ZSWIM6: variants seen among roughly 807,000 people sequenced by gnomAD.
The protein encoded by ZSWIM6 is zinc finger SWIM-type containing 6.
ZSWIM6 carries 9 observed loss-of-function variants against 113.2 expected under a neutral mutation model. The observed-to-expected ratio is 0.08, with a 90% CI of 0.05 to 0.14. The LOEUF (loss-of-function observed/expected upper bound fraction) is 0.14, where lower values mean the gene tolerates loss of function less well. Among genes scored for constraint, ZSWIM6 ranks in the 10% least tolerant of loss-of-function variants. ZSWIM6 has a pLI of 1.00. For missense variants in ZSWIM6, 1,162 were observed against 1,552.2 expected (o/e 0.75, Z 4.22); for synonymous variants, 611 against 606.5 (o/e 1.01, Z -0.11).
chr5:61,375,160 G>C (rs1579960991), intron 1 of ZSWIM6: 2 of 1,613,146 alleles, frequency 1.2e-6, no homozygotes, highest in East Asian at 4.5e-5. Flanking sequence ...AATAGCAATG[G>C]CGAGATCAAG....
intron 1 of ZSWIM6, among the ~76,000 whole-genome samples, chr5:61,451,960 A>C (rs751171508): frequency 6.6e-6 from 1 of 152,292 alleles, no homozygotes; most frequent in South Asian, 2.1e-4. Context: ...AGTATGTATG[A>C]GTTATAAAAC....
intron 1 of ZSWIM6, chr5:61,391,964 G>T: frequency 2.1e-6 from 1 of 471,770 alleles, no homozygotes; most frequent in East Asian, 3.9e-5. Context: ...GGCTTGTACG[G>T]GTCTACCTTC....
intron 12 of ZSWIM6, among the ~76,000 whole-genome samples, chr5:61,540,294 C>G (rs987975411): frequency 1.3e-5 from 2 of 152,144 alleles, no homozygotes; most frequent in African/African-American, 4.8e-5. Context: ...ATTTTGAGTT[C>G]GTCATGCAGA....
Position 61,515,065 on chromosome 5 carries a change from C to T in ZSWIM6, c.1334-6198C>T, listed in dbSNP as rs942050911. 3.9e-5 allele frequency among the ~76,000 whole-genome samples: 6 copies of T among 152,254 alleles called. No individual in the cohort carries two copies. The South Asian group carries it at 1.0e-3, about 26-fold the overall frequency. ...TTACAACCATTTAGATTATCATATCCTCTTGAGTGAGCTCTGGTAGTTTGT... is the reference window on the plus strand; with the variant it reads ...TTACAACCATTTAGATTATCATATCTTCTTGAGTGAGCTCTGGTAGTTTGT... On this transcript the variant is annotated intron_variant, in intron 4 of 13. Transcript: ENST00000252744.
intron 4 of ZSWIM6, among the ~76,000 whole-genome samples, chr5:61,512,594 G>A (rs766489947): frequency 6.6e-6 from 1 of 152,054 alleles, no homozygotes; most frequent in Non-Finnish European, 1.5e-5. Context: ...AGCAATTTAT[G>A]AGCATTCCAG....
intron 4 of ZSWIM6, among the ~76,000 whole-genome samples, chr5:61,498,704 C>T (rs578088692): frequency 6.6e-6 from 1 of 152,232 alleles, no homozygotes; most frequent in East Asian, 1.9e-4. Context: ...TTCCATCTTC[C>T]ATCCCAGACT....
At chr5:61,526,043 G>C in intron 6 of ZSWIM6, 67 bp downstream of exon 6, 1 of 1,517,102 alleles carries the variant, frequency 6.6e-7, no homozygotes, top group Non-Finnish European at 8.9e-7. Context: ...TAGCATTACT[G>C]GAATGGGAGG....
rs1392712028 is a variant in ZSWIM6, at chr5:61,521,347, A to G, written c.1418A>G (p.Asn473Ser). 7 of 1,527,338 alleles carry G rather than the reference A, an allele frequency of 4.6e-6. No individual in the cohort carries two copies. Among genetic ancestry groups the G allele is most frequent in the Admixed American group, 2.1e-5 (1 of 47,188 alleles). 94.6% of individuals were successfully genotyped at this position (1,527,338 alleles called of 1,614,324 possible). A position where few individuals can be genotyped will look rare whatever the true frequency, so the allele number is the denominator to read the frequency against. Residue 473 changes from asparagine (N) to serine (S), a missense_variant, in exon 5 of 14, where the codon AAT becomes AGT. By Grantham distance (46) the Asn-to-Ser change is conservative. Around this residue, in one of 4 missense-constraint regions of ZSWIM6, gnomAD observed 620 missense variants for 804.6 expected, o/e 0.77. Transcript: ENST00000252744. ...ASWLKQLKKW[N>S]SVDVCPWEDG... Reference sequence around the variant, plus strand: ...TGGCTAAAACAGCTGAAGAAATGGAATAGTGTTGATGTCTGTCCATGGGAA... The same window carrying G: ...TGGCTAAAACAGCTGAAGAAATGGAGTAGTGTTGATGTCTGTCCATGGGAA...
chr5:61,391,806 G>A lies in ZSWIM6; in HGVS notation c.676+58858G>A, dbSNP rs896278197. On this transcript the variant is annotated intron_variant, in intron 1 of 13. Transcript: ENST00000252744. ...TCTTCACCTTCCCATGATGCTTCCTGCTGCGCTGCTGAGGCAGGAAGCCGA... is the reference window on the plus strand; with the variant it reads ...TCTTCACCTTCCCATGATGCTTCCTACTGCGCTGCTGAGGCAGGAAGCCGA... The A allele has an allele frequency of 1.5e-5, 13 of 850,960 alleles. 2 individuals are homozygous for A. The South Asian group carries it at 1.9e-4, about 12-fold the overall frequency. The allele number at this position is 850,960 out of a possible 1,614,324, so 52.7% of individuals were successfully genotyped here.
At chr5:61,383,969 C>T (rs1248364643) in intron 1 of ZSWIM6, among the ~76,000 whole-genome samples, 1 of 150,394 alleles carries the variant, frequency 6.6e-6, no homozygotes. Context: ...TGGCCGGGCG[C>T]GGTGGCTCAC....
intron 1 of ZSWIM6, among the ~76,000 whole-genome samples, chr5:61,453,378 C>CT (rs60097146): frequency 0.2 from 27,526 of 135,738 alleles, 2,980 homozygotes; most frequent in South Asian, 0.36. Flanking sequence ...CTCTCTCTCT[C>CT]TTTTTTTTTT....
chr5:61,386,294 G>A (rs1745591530), intron 1 of ZSWIM6, among the ~76,000 whole-genome samples: 1 of 152,136 alleles, frequency 6.6e-6, no homozygotes, highest in African/African-American at 2.4e-5. Context: ...GGAGTGATTT[G>A]CCTTTGCTTT....
intron 1 of ZSWIM6, among the ~76,000 whole-genome samples, chr5:61,414,231 G>A (rs1203158843): frequency 6.6e-6 from 1 of 152,142 alleles, no homozygotes; most frequent in African/African-American, 2.4e-5. Flanking sequence ...TTGGACTAGG[G>A]TGGGGCAGTG....
chr5:61,425,626 A>T (rs957441403), intron 1 of ZSWIM6, among the ~76,000 whole-genome samples: 1 of 152,262 alleles, frequency 6.6e-6, no homozygotes, highest in Admixed American at 6.5e-5. Flanking sequence ...AAGGAGTAAG[A>T]TTAACTTTTG....
intron 1 of ZSWIM6, among the ~76,000 whole-genome samples, chr5:61,351,278 C>G (rs968836284): frequency 6.6e-6 from 1 of 152,142 alleles, no homozygotes; most frequent in Non-Finnish European, 1.5e-5. Context: ...AAAGGGACAG[C>G]TAAAATCAAT....
intron 1 of ZSWIM6, among the ~76,000 whole-genome samples, chr5:61,421,311 G>C (rs1164567772): frequency 6.6e-6 from 1 of 151,998 alleles, no homozygotes; most frequent in Non-Finnish European, 1.5e-5. Context: ...CTCTTAATGA[G>C]TTCAGTTGTT....
intron 1 of ZSWIM6, among the ~76,000 whole-genome samples, chr5:61,458,732 G>A (rs1355171421): frequency 6.6e-6 from 1 of 152,044 alleles, no homozygotes; most frequent in Non-Finnish European, 1.5e-5. Context: ...ACAAAAATTA[G>A]CTGGGCATGG....
chr5:61,482,742 G>A (rs1747907451), intron 2 of ZSWIM6, among the ~76,000 whole-genome samples: 1 of 152,100 alleles, frequency 6.6e-6, no homozygotes, highest in Non-Finnish European at 1.5e-5. Flanking sequence ...TTATTGCTCA[G>A]TTAATTTTTT....
At chr5:61,351,473 T>C (rs1744781708) in intron 1 of ZSWIM6, among the ~76,000 whole-genome samples, 1 of 152,222 alleles carries the variant, frequency 6.6e-6, no homozygotes, top group Non-Finnish European at 1.5e-5. Flanking sequence ...ATTCCCTTCT[T>C]TTGGAAACTT....
Sources: gnomAD v4.1 joint callset for allele counts (sites outside exome capture counted in the v4.1 genomes callset) on GRCh38, gnomAD v4.1.1 for gene constraint, gnomAD v4.1.1 regional missense constraint, MANE v1.5 for transcripts, NCBI Gene and HGNC (gene_info 2026-07-23, HGNC 2026-07-21) for gene names.